Variants in GRM7 observed in about 807,000 individuals in gnomAD.
GRM7 encodes metabotropic glutamate receptor 7.
GRM7 carries 35 observed loss-of-function variants against 84.5 expected under a neutral mutation model. The ratio of observed to expected loss-of-function variants is 0.41; its 90% CI spans 0.32 to 0.55. The LOEUF (loss-of-function observed/expected upper bound fraction) is 0.55. Ranked by LOEUF, GRM7 falls within the 20% of genes least tolerant of loss-of-function variation. The pLI, the probability that GRM7 is intolerant of heterozygous loss-of-function variation, is 0.19. For missense variants in GRM7, 1,003 were observed against 1,194.6 expected (o/e 0.84, Z 2.36); for synonymous variants, 487 against 455.1 (o/e 1.07, Z -0.89).
At chr3:7,691,039 A>AT (rs5846531) in intron 9 of GRM7, 115 of 337,794 alleles carry the variant, frequency 3.4e-4, no homozygotes, top group South Asian at 8.5e-4. Context: ...AACTTTGCAG[A>AT]TTTTTTTTTT....
chr3:7,308,080 A>G (rs114636713), intron 4 of GRM7, among the ~76,000 whole-genome samples: 1 of 152,206 alleles, frequency 6.6e-6, no homozygotes, highest in African/African-American at 2.4e-5. Flanking sequence ...AACAGGACAC[A>G]TTAGGGAAAA....
intron 8 of GRM7, among the ~76,000 whole-genome samples, chr3:7,616,218 G>C (rs543740715): frequency 3.3e-5 from 5 of 151,934 alleles, no homozygotes; most frequent in African/African-American, 1.2e-4. Flanking sequence ...GCATCATTTC[G>C]CACATATTTT....
At chr3:6,970,796 G>C (rs1575081869) in intron 1 of GRM7, among the ~76,000 whole-genome samples, 2 of 152,120 alleles carry the variant, frequency 1.3e-5, no homozygotes, top group South Asian at 4.1e-4. Context: ...TGGCTAACAC[G>C]GTGAAACCCC....
intron 8 of GRM7, among the ~76,000 whole-genome samples, chr3:7,617,833 G>GT (rs1239277289): frequency 6.6e-6 from 1 of 152,072 alleles, no homozygotes; most frequent in African/African-American, 2.4e-5. Flanking sequence ...AAAGAATAAG[G>GT]TTTGTTTTTA....
chr3:7,283,394 G>T (rs1699320693), intron 2 of GRM7, among the ~76,000 whole-genome samples: 2 of 124,982 alleles, frequency 1.6e-5, no homozygotes, highest in African/African-American at 6.7e-5. Context: ...TTTGATTGAG[G>T]TTGCTGTTAT....
rs1388405167 is a variant in GRM7 at position 7,741,498 on chromosome 3, G to A, written c.*1092G>A. Reference sequence around the variant, plus strand: ...CTTTCAATTCTGTGATATTGTCCAAGAATGTATCAATAAAATACTTTGGTT... The same window carrying A: ...CTTTCAATTCTGTGATATTGTCCAAAAATGTATCAATAAAATACTTTGGTT... On this transcript the variant is annotated 3_prime_UTR_variant, in exon 10 of 10. Coordinates refer to ENST00000357716, the MANE Select transcript of GRM7 (RefSeq NM_000844.4). 1 of 152,526 alleles carries A rather than the reference G, an allele frequency of 6.6e-6. No individual in the cohort carries two copies. Among genetic ancestry groups the A allele is most frequent in the Non-Finnish European group, 1.5e-5 (1 of 68,010 alleles). 9.4% of individuals were successfully genotyped at this position (152,526 alleles called of 1,614,324 possible).
At chr3:7,038,909 C>T (rs1696487383) in intron 1 of GRM7, among the ~76,000 whole-genome samples, 1 of 152,058 alleles carries the variant, frequency 6.6e-6, no homozygotes, top group Admixed American at 6.6e-5. Context: ...CGATAGGTTT[C>T]TCAGAGTGGG....
At chr3:7,150,953 A>G (rs553380245) in intron 2 of GRM7, among the ~76,000 whole-genome samples, 2 of 152,330 alleles carry the variant, frequency 1.3e-5, no homozygotes, top group East Asian at 3.9e-4. Flanking sequence ...CTGCTTGACA[A>G]TATAGCACAA....
intron 4 of GRM7, among the ~76,000 whole-genome samples, chr3:7,371,810 C>A (rs1429164631): frequency 6.6e-6 from 1 of 152,088 alleles, no homozygotes; most frequent in Non-Finnish European, 1.5e-5. Context: ...AAAGAAGAAT[C>A]CAACTGTAAA....
At chr3:6,958,302 G>A (rs1693151568) in intron 1 of GRM7, among the ~76,000 whole-genome samples, 1 of 151,350 alleles carries the variant, frequency 6.6e-6, no homozygotes, top group Non-Finnish European at 1.5e-5. Flanking sequence ...ATACATCTGT[G>A]CTATTTTGTG....
chr3:7,500,345 C>T (rs1380473835), intron 7 of GRM7, among the ~76,000 whole-genome samples: 1 of 152,152 alleles, frequency 6.6e-6, no homozygotes, highest in African/African-American at 2.4e-5. Context: ...GGTGTCATCC[C>T]CTTCAATGAT....
chr3:7,104,970 T>C (rs929841830), intron 1 of GRM7, among the ~76,000 whole-genome samples: 1 of 151,876 alleles, frequency 6.6e-6, no homozygotes, highest in East Asian at 1.9e-4. Context: ...CAAACACTGT[T>C]GTAAAATTTA....
chr3:7,215,213 C>T (rs1021172332), intron 2 of GRM7, among the ~76,000 whole-genome samples: 2 of 152,020 alleles, frequency 1.3e-5, no homozygotes, highest in African/African-American at 2.4e-5. Flanking sequence ...GTATCATTTC[C>T]GATCATTACA....
At chr3:7,668,387 G>A (rs1483154480) in intron 8 of GRM7, among the ~76,000 whole-genome samples, 1 of 152,210 alleles carries the variant, frequency 6.6e-6, no homozygotes, top group Non-Finnish European at 1.5e-5. Context: ...GCAGACACTG[G>A]AGATACAATG....
intron 2 of GRM7, among the ~76,000 whole-genome samples, chr3:7,289,977 T>A (rs1352477991): frequency 6.6e-6 from 1 of 151,968 alleles, no homozygotes; most frequent in Non-Finnish European, 1.5e-5. Flanking sequence ...CTGCACGTTG[T>A]GCACATGTAC....
chr3:7,500,557 G>C (rs1047656427), intron 7 of GRM7, among the ~76,000 whole-genome samples: 1 of 152,220 alleles, frequency 6.6e-6, no homozygotes, highest in African/African-American at 2.4e-5. Flanking sequence ...CAGAGGCCTG[G>C]AGGGAACTTC....
chr3:7,472,930 AC>A (rs1698761289), intron 7 of GRM7, among the ~76,000 whole-genome samples: 1 of 152,192 alleles, frequency 6.6e-6, no homozygotes, highest in Non-Finnish European at 1.5e-5. Context: ...GACAAAGCAT[AC>A]GTGCAGACCG....
intron 2 of GRM7, among the ~76,000 whole-genome samples, chr3:7,267,589 A>G (rs1698690752): frequency 1.3e-5 from 2 of 152,226 alleles, no homozygotes; most frequent in South Asian, 2.1e-4. Context: ...CGGAGTGCCA[A>G]TCACTGAGAT....
chr3:7,711,756 CT>C (rs1701589848), intron 9 of GRM7, among the ~76,000 whole-genome samples: 1 of 152,102 alleles, frequency 6.6e-6, no homozygotes, highest in East Asian at 1.9e-4. Context: ...CCATTGGCGC[CT>C]TTCAAAGATC....
Sources: gnomAD v4.1 joint callset for allele counts (sites outside exome capture counted in the v4.1 genomes callset) on GRCh38, gnomAD v4.1.1 for gene constraint, MANE v1.5 for transcripts, NCBI Gene and HGNC (gene_info 2026-07-23, HGNC 2026-07-21) for gene names.